CSPP1: variants seen among roughly 807,000 people sequenced by gnomAD.
The protein encoded by CSPP1 is centrosome and spindle pole-associated protein 1.
CSPP1 carries 126 observed loss-of-function variants against 164.4 expected under a neutral mutation model. That is an observed-to-expected ratio of 0.77 (90% CI 0.66 to 0.89). The LOEUF (loss-of-function observed/expected upper bound fraction) is 0.89, where lower values mean the gene tolerates loss of function less well. Ranked by LOEUF, CSPP1 falls within the 40% of genes least tolerant of loss-of-function variation. The probability of loss-of-function intolerance (pLI) is 0.00; values close to 1 mark genes in which losing one functional copy is unlikely to be tolerated. For synonymous variants in CSPP1, 472 were observed against 476.7 expected, an observed-to-expected ratio of 0.99 and a Z score of 0.13; for missense variants, 1,395 against 1,449.8, an observed-to-expected ratio of 0.96 and a Z score of 0.61.
intron 9 of CSPP1, 78 bp from the exon 10 acceptor site, chr8:67,111,894 A>G: frequency 1.3e-6 from 1 of 773,426 alleles, no homozygotes; most frequent in Non-Finnish European, 2.1e-6. Flanking sequence ...ATTAAGATGG[A>G]GTTTTTAAGG....
At chr8:67,182,822 A>T (rs192040663) in intron 28 of CSPP1, among the ~76,000 whole-genome samples, 135 of 152,296 alleles carry the variant, frequency 8.9e-4, no homozygotes, top group Non-Finnish European at 1.6e-3. Context: ...TAATTTTTAA[A>T]ATCAGAGTTT....
In CSPP1 at chr8:67,179,918, CT is replaced by C; in HGVS notation, c.3216del (p.Phe1072LeufsTer37). On this transcript the variant is annotated frameshift_variant, in exon 28 of 31. Coordinates refer to ENST00000678616, the MANE Select transcript of CSPP1 (RefSeq NM_001382391.1). LOFTEE classifies it high-confidence loss of function. ...LKNSLLESDSAFIGAYGETYP... is the reference protein window; with the variant it reads ...LKNSLLESDSXFIGAYGETYP... ...AACTCATTATTGGAATCTGATAGTG[CT>C]TTTATTGGTGAGTATATTTATTTTA... The C allele has an allele frequency of 6.5e-7, 1 of 1,548,910 alleles. No individual in the cohort carries two copies. The highest frequency in any genetic ancestry group is 8.9e-7 in the Non-Finnish European group (1 of 1,122,050).
chr8:67,126,373 C>T (rs1820062375), intron 15 of CSPP1, among the ~76,000 whole-genome samples: 1 of 152,150 alleles, frequency 6.6e-6, no homozygotes, highest in South Asian at 2.1e-4. Context: ...TTCTCCTCCT[C>T]CTTGTGGTTT....
At chr8:67,164,026 A>C (rs973180076) in intron 23 of CSPP1, among the ~76,000 whole-genome samples, 4 of 152,170 alleles carry the variant, frequency 2.6e-5, no homozygotes, top group African/African-American at 9.7e-5. Context: ...CAGTTTTTAC[A>C]TGCATTTATG....
At chr8:67,178,302 A>G (rs915902905) in intron 27 of CSPP1, among the ~76,000 whole-genome samples, 7 of 152,150 alleles carry the variant, frequency 4.6e-5, no homozygotes, top group African/African-American at 9.6e-5. Flanking sequence ...ACAGAGAATG[A>G]TAACACCCAC....
chr8:67,079,063 A>G (rs1459592851), intron 3 of CSPP1, among the ~76,000 whole-genome samples: 1 of 152,170 alleles, frequency 6.6e-6, no homozygotes, highest in East Asian at 1.9e-4. Flanking sequence ...AGTATAACTG[A>G]AAGATGGTGA....
At chr8:67,175,025 G>T (rs1402000707) in intron 25 of CSPP1, 4 of 385,494 alleles carry the variant, frequency 1.0e-5, no homozygotes, top group African/African-American at 4.1e-5. Context: ...GGCTAGGACA[G>T]GTAGAGATGG....
chr8:67,067,961 T>C (rs1033018558), intron 1 of CSPP1, among the ~76,000 whole-genome samples: 1 of 151,868 alleles, frequency 6.6e-6, no homozygotes, highest in African/African-American at 2.4e-5. Flanking sequence ...GCAATTCTCC[T>C]GCCTCAGCCT....
chr8:67,131,864 T>C, intron 15 of CSPP1, 87 bp from the exon 16 acceptor site: 1 of 1,178,062 alleles, frequency 8.5e-7, no homozygotes, highest in Non-Finnish European at 1.2e-6. Context: ...AATGTATTTA[T>C]ATGCCATGCT....
intron 3 of CSPP1, among the ~76,000 whole-genome samples, chr8:67,077,587 C>T (rs1163824081): frequency 6.6e-6 from 1 of 152,010 alleles, no homozygotes; most frequent in Non-Finnish European, 1.5e-5. Context: ...TCTGCCTGCC[C>T]GCCTCGGCCT....
chr8:67,139,526 AT>A (rs1823051312), intron 17 of CSPP1, among the ~76,000 whole-genome samples: 1 of 152,226 alleles, frequency 6.6e-6, no homozygotes, highest in Admixed American at 6.5e-5. Flanking sequence ...ACATGCTGCT[AT>A]AAAGACACAT....
intron 8 of CSPP1, among the ~76,000 whole-genome samples, chr8:67,105,142 C>T (rs1393342949): frequency 1.3e-5 from 2 of 149,380 alleles, no homozygotes; most frequent in African/African-American, 4.9e-5. Context: ...TCTCCTACCT[C>T]TGCCTCCCAA....
At chr8:67,077,318 C>T (rs993531027) in intron 3 of CSPP1, among the ~76,000 whole-genome samples, 3 of 151,008 alleles carry the variant, frequency 2.0e-5, no homozygotes, top group Admixed American at 2.0e-4. Flanking sequence ...CATGCCCAGT[C>T]TGTATGAATA....
In CSPP1 at chr8:67,093,549, T is replaced by C; in HGVS notation, c.391T>C (p.Leu131=). ...IGERLSAKER[L]KLERNKEYNQ... is the part of the protein sequence containing the mutation. ...TTTTGATTTTTATTTTAAGGAAAGG[T>C]TGAAACTTGAACGTAACAAAGAATA... Residue 131 remains leucine (L), a synonymous_variant, in exon 6 of 31, where the codon TTG becomes CTG. Coordinates refer to ENST00000678616, the MANE Select transcript of CSPP1 (RefSeq NM_001382391.1). 6.3e-7 allele frequency: 1 copy of C among 1,599,886 alleles called. No homozygotes were observed.
chr8:67,126,486 A>G (rs970275696), intron 15 of CSPP1, among the ~76,000 whole-genome samples: 1 of 152,118 alleles, frequency 6.6e-6, no homozygotes, highest in Admixed American at 6.5e-5. Context: ...TCATGATTAG[A>G]CTGAGATTTC....
intron 28 of CSPP1, among the ~76,000 whole-genome samples, chr8:67,182,965 G>A (rs752641874): frequency 6.6e-6 from 1 of 152,170 alleles, no homozygotes; most frequent in Non-Finnish European, 1.5e-5. Context: ...TTGATACATA[G>A]GAGCTTTTAA....
In CSPP1 at chr8:67,113,877, C is replaced by T. The variant is rs200874913; in HGVS notation, c.1245+15C>T. On this transcript the variant is annotated intron_variant, in intron 11 of 30. Transcript: ENST00000678616. ...CTGAGAAATCGGTAAGGGTTTCTGGCATCTTTTAATGTTTAATCTTTCATC... is the reference window on the plus strand; with the variant it reads ...CTGAGAAATCGGTAAGGGTTTCTGGTATCTTTTAATGTTTAATCTTTCATC... 2.0e-4 allele frequency: 304 copies of T among 1,511,010 alleles called. 3 individuals are homozygous for T. The African/African-American group carries it at 3.4e-3, about 17-fold the overall frequency. 93.6% of individuals were successfully genotyped at this position (1,511,010 alleles called of 1,614,324 possible). A position where few individuals can be genotyped will look rare whatever the true frequency, so the allele number is the denominator to read the frequency against.
Position 67,159,123 on chromosome 8 carries a change from G to A in CSPP1, c.2524G>A (p.Gly842Arg), listed in dbSNP as rs371072368. Reference sequence around the variant, plus strand: ...CTACTGTGAAAGAGACAATTTGATTGGGGAAGAAACAAAGGTAAGTTTCAG... The same window carrying A: ...CTACTGTGAAAGAGACAATTTGATTAGGGAAGAAACAAAGGTAAGTTTCAG... ...QHYCERDNLI[G>R]EETKHMRQPS... The change falls in exon 21 of 31, where the codon GGG becomes AGG. Residue 842 changes from glycine (G) to arginine (R), a missense_variant. Physicochemically the swap from Gly to Arg is moderately radical, Grantham distance 125. Coordinates refer to ENST00000678616, the MANE Select transcript of CSPP1 (RefSeq NM_001382391.1). 4.6e-5 allele frequency: 74 copies of A among 1,598,414 alleles called. No individual in the cohort carries two copies. Among genetic ancestry groups the A allele is most frequent in the Non-Finnish European group, 6.0e-5 (71 of 1,176,150 alleles).
chr8:67,141,310 G>C (rs563288971), intron 17 of CSPP1, among the ~76,000 whole-genome samples: 2 of 151,946 alleles, frequency 1.3e-5, no homozygotes, highest in African/African-American at 4.8e-5. Context: ...TTAGAATTGC[G>C]TGACCTAATG....
Sources: gnomAD v4.1 joint callset for allele counts (sites outside exome capture counted in the v4.1 genomes callset) on GRCh38, gnomAD v4.1.1 for gene constraint, MANE v1.5 for transcripts, NCBI Gene and HGNC (gene_info 2026-07-23, HGNC 2026-07-21) for gene names.